SMIM8: variants seen among roughly 807,000 people sequenced by gnomAD.
SMIM8 encodes small integral membrane protein 8.
SMIM8 carries 8 observed loss-of-function variants against 8.1 expected under a neutral mutation model. The ratio of observed to expected loss-of-function variants is 0.99; its 90% CI spans 0.58 to 1.78. The LOEUF (loss-of-function observed/expected upper bound fraction) is 1.78. Among genes scored for constraint, SMIM8 ranks in the 40% most tolerant of loss-of-function variants. SMIM8 has a pLI of 0.00. For missense variants in SMIM8, 126 were observed against 119.8 expected, an observed-to-expected ratio of 1.05 and a Z score of -0.24; for synonymous variants, 45 against 39.7, an observed-to-expected ratio of 1.13 and a Z score of -0.50.
At chr6:87,328,837 G>GCC (rs1162712446) in intron 1 of SMIM8, among the ~76,000 whole-genome samples, 61 of 152,212 alleles carry the variant, frequency 4.0e-4, no homozygotes, top group African/African-American at 1.3e-3. Flanking sequence ...AATGGCGGGC[G>GCC]CCCCTCCCCC....
At position 87,341,176 on chromosome 6, in the gene SMIM8, T is replaced by TC. The variant is rs1244658622; in HGVS notation, c.*903dup. 2 of 397,766 alleles carry TC rather than the reference T, an allele frequency of 5.0e-6. No individual in the cohort carries two copies. Among genetic ancestry groups the TC allele is most frequent in the African/African-American group, 2.1e-5 (1 of 48,614 alleles). 24.6% of individuals were successfully genotyped at this position (397,766 alleles called of 1,614,324 possible). A position where few individuals can be genotyped will look rare whatever the true frequency, so the allele number is the denominator to read the frequency against. ...AGGTCTCCTTATTGTACCTTTTTTT[T>TC]CTTTTGAAGTTTATATGCCAGCAGG... On this transcript the variant is annotated 3_prime_UTR_variant, in exon 4 of 4. Coordinates refer to ENST00000392863, the MANE Select transcript of SMIM8 (RefSeq NM_001042493.3).
chr6:87,332,319 C>CATATATATATATATA (rs1562223234), intron 2 of SMIM8, among the ~76,000 whole-genome samples: 39 of 97,308 alleles, frequency 4.0e-4, no homozygotes, highest in African/African-American at 1.8e-3. Flanking sequence ...TCCTCCCCCC[C>CATATATATATATATA]CATATATGTA....
At chr6:87,326,121 A>G (rs1181101005) in intron 1 of SMIM8, among the ~76,000 whole-genome samples, 1 of 152,100 alleles carries the variant, frequency 6.6e-6, no homozygotes, top group African/African-American at 2.4e-5. Context: ...TATCCCTTTT[A>G]TCATTTTTTA....
At position 87,335,757 on chromosome 6, in the gene SMIM8, C is replaced by T. The variant is rs893297547; in HGVS notation, c.-23-1252C>T. Reference sequence around the variant, plus strand: ...ACAGGCATGGGATCATGCCTGTAATCCCAGCACTTTGGGAGGCAGAAGCAG... The same window carrying T: ...ACAGGCATGGGATCATGCCTGTAATTCCAGCACTTTGGGAGGCAGAAGCAG... On this transcript the variant is annotated intron_variant, in intron 2 of 3. Transcript: ENST00000392863. Among the ~76,000 whole-genome samples the T allele has an allele frequency of 2.7e-5, 4 of 150,694 alleles. No individual in the cohort carries two copies. In the South Asian group the frequency reaches 8.4e-4, roughly 32 times the overall value.
At chr6:87,325,789 T>G (rs893768721) in intron 1 of SMIM8, among the ~76,000 whole-genome samples, 12 of 152,230 alleles carry the variant, frequency 7.9e-5, no homozygotes, top group African/African-American at 2.7e-4. Context: ...ATAAAATGAG[T>G]TAGGGAGGAT....
intron 2 of SMIM8, among the ~76,000 whole-genome samples, chr6:87,332,344 A>T (rs499373): frequency 0.37 from 52,754 of 143,018 alleles, 11,128 homozygotes; most frequent in Non-Finnish European, 0.47. Context: ...TATATATATA[A>T]ATGACAGCAG....
intron 2 of SMIM8, chr6:87,331,017 C>T (rs1776983973): frequency 6.6e-6 from 1 of 152,202 alleles, no homozygotes. Context: ...AGGTTCCCAG[C>T]ATCCTTGCTA....
rs1562225741 is a variant in SMIM8 at position 87,339,433 on chromosome 6, TGTTTGTGTG to T, written c.136-682_136-674del. Among the ~76,000 whole-genome samples the T allele has an allele frequency of 5.4e-3, 505 of 93,402 alleles. 6 individuals carry two copies. Among genetic ancestry groups the T allele is most frequent in the African/African-American group, 0.021 (470 of 22,664 alleles). The allele number at this position is 93,402 out of a possible 152,430, so 61.3% of individuals were successfully genotyped here. A position where few individuals can be genotyped will look rare whatever the true frequency, so the allele number is the denominator to read the frequency against. ...CACAGCGTGTGTGTGTGTGTGTGTG[TGTTTGTGTG>T]TGTGTGTGTGTGTGTGTGTGTTTTA... On this transcript the variant is annotated intron_variant, in intron 3 of 3. Transcript: ENST00000392863.
chr6:87,328,335 T>G (rs1327807040), intron 1 of SMIM8, among the ~76,000 whole-genome samples: 1 of 152,186 alleles, frequency 6.6e-6, no homozygotes, highest in Admixed American at 6.5e-5. Flanking sequence ...ACTCTGCTTT[T>G]TAGAGTTTCC....
At chr6:87,331,584 G>A (rs1207577457) in intron 2 of SMIM8, among the ~76,000 whole-genome samples, 1 of 152,092 alleles carries the variant, frequency 6.6e-6, no homozygotes, top group South Asian at 2.1e-4. Flanking sequence ...GAATTTTCTC[G>A]TATGTAGAAA....
intron 1 of SMIM8, among the ~76,000 whole-genome samples, chr6:87,328,542 C>G (rs565156070): frequency 0.027 from 4,038 of 150,314 alleles, 257 homozygotes; most frequent in African/African-American, 0.096. Flanking sequence ...CTGCTGGAGG[C>G]TGCCTCCCAG....
chr6:87,327,520 G>A (rs1193850452), intron 1 of SMIM8, among the ~76,000 whole-genome samples: 4 of 149,702 alleles, frequency 2.7e-5, no homozygotes, highest in Non-Finnish European at 6.0e-5. Context: ...ATGAAGCTTA[G>A]TTTGGCTGGA....
In SMIM8 at chr6:87,328,946, A is replaced by G. The variant is rs531672725; in HGVS notation, c.-44-1746A>G. 6.6e-5 allele frequency among the ~76,000 whole-genome samples: 10 copies of G among 152,200 alleles called. No individual in the cohort carries two copies. In the South Asian group the frequency reaches 1.2e-3, roughly 19 times the overall value. ...CCCTCCGAACCACGTGCGGGATATA[A>G]TCTCGTGGTGCGCCATTTTTTAAGC... On this transcript the variant is annotated intron_variant, in intron 1 of 3. Transcript: ENST00000392863.
At chr6:87,322,905 A>G (rs1218680698) in intron 1 of SMIM8, 1 of 151,506 alleles carries the variant, frequency 6.6e-6, no homozygotes, top group Non-Finnish European at 1.5e-5. Context: ...ATCCATGGAC[A>G]CCCCCACCCC....
intron 2 of SMIM8, among the ~76,000 whole-genome samples, chr6:87,334,931 C>G (rs1211698675): frequency 6.6e-6 from 1 of 152,228 alleles, no homozygotes; most frequent in African/African-American, 2.4e-5. Flanking sequence ...TACTCCTACA[C>G]TTGGATCATG....
intron 2 of SMIM8, among the ~76,000 whole-genome samples, chr6:87,333,435 G>T (rs1292916450): frequency 6.6e-6 from 1 of 152,168 alleles, no homozygotes; most frequent in East Asian, 1.9e-4. Flanking sequence ...CAAGTTTTTA[G>T]CACAGGGAGA....
intron 1 of SMIM8, among the ~76,000 whole-genome samples, chr6:87,326,471 T>C (rs1276830427): frequency 6.6e-6 from 1 of 152,196 alleles, no homozygotes; most frequent in Non-Finnish European, 1.5e-5. Flanking sequence ...TTTGTGTCTT[T>C]GTTCTCGTTG....
At chr6:87,334,811 C>T (rs1174950243) in intron 2 of SMIM8, among the ~76,000 whole-genome samples, 4 of 152,196 alleles carry the variant, frequency 2.6e-5, no homozygotes, top group Non-Finnish European at 5.9e-5. Flanking sequence ...AATACACATG[C>T]CTGAATAATG....
chr6:87,323,191 T>C (rs190471537), intron 1 of SMIM8: 13 of 152,372 alleles, frequency 8.5e-5, no homozygotes, highest in South Asian at 2.1e-4. Context: ...GTACTCAGGC[T>C]GTCGCCAGCA....
Sources: allele counts gnomAD v4.1 joint callset (sites outside exome capture counted in the v4.1 genomes callset), GRCh38; gene constraint gnomAD v4.1.1; transcripts MANE v1.5; gene names NCBI Gene and HGNC (gene_info 2026-07-23, HGNC 2026-07-21).